The following ZNF608 variants were observed in gnomAD, a reference collection of about 807,000 sequenced individuals.
The protein encoded by ZNF608 is zinc finger protein 608.
Under a neutral mutation model 109.0 loss-of-function variants are expected in ZNF608, and 12 were observed. The ratio of observed to expected loss-of-function variants is 0.11; its 90% CI spans 0.07 to 0.18. The LOEUF is 0.18. ZNF608 is among the 10% of genes least tolerant of loss of function. ZNF608 has a pLI of 1.00. For missense variants in ZNF608, 1,707 were observed against 1,879.3 expected, an observed-to-expected ratio of 0.91 and a Z score of 1.70; for synonymous variants, 732 against 717.4, an observed-to-expected ratio of 1.02 and a Z score of -0.33.
intron 2 of ZNF608, among the ~76,000 whole-genome samples, chr5:124,703,509 T>C (rs1264887796): frequency 6.6e-6 from 1 of 152,118 alleles, no homozygotes; most frequent in Non-Finnish European, 1.5e-5. Flanking sequence ...CTCACACTTG[T>C]AATCCCAACA....
At chr5:124,692,956 A>C (rs2149839069) in intron 3 of ZNF608, among the ~76,000 whole-genome samples, 1 of 152,316 alleles carries the variant, frequency 6.6e-6, no homozygotes, top group East Asian at 1.9e-4. Context: ...AAAAACAACA[A>C]AGAATCAAGG....
rs746610497 is a variant in ZNF608 at position 124,693,974 on chromosome 5, C to CTTTTTTTTTTTTTTTTTTTTTTTTTTTTT, written c.1162+7039_1162+7040insAAAAAAAAAAAAAAAAAAAAAAAAAAAAA. Among the ~76,000 whole-genome samples the CTTTTTTTTTTTTTTTTTTTTTTTTTTTTT allele has an allele frequency of 2.5e-4, 15 of 60,968 alleles. 6 individuals are homozygous for CTTTTTTTTTTTTTTTTTTTTTTTTTTTTT. Among genetic ancestry groups the CTTTTTTTTTTTTTTTTTTTTTTTTTTTTT allele is most frequent in the South Asian group, 1.6e-3 (2 of 1,218 alleles). 40.0% of individuals were successfully genotyped at this position (60,968 alleles called of 152,430 possible). ...GTGAAGCTGGTAACATTTCATTAAT[C>CTTTTTTTTTTTTTTTTTTTTTTTTTTTTT]TTTTTTTTTTTTTTTTTTTGAGAGA... On this transcript the variant is annotated intron_variant, in intron 3 of 9. Transcript: ENST00000513986.
intron 2 of ZNF608, among the ~76,000 whole-genome samples, chr5:124,721,962 A>AAAAAAAAAAAAAAAAAAAC (rs1561583772): frequency 6.9e-6 from 1 of 145,838 alleles, no homozygotes; most frequent in Non-Finnish European, 1.5e-5. Context: ...AAAAAAAAAA[A>AAAAAAAAAAAAAAAAAAAC]AAAAAAAAAA....
rs77911068 is a variant in ZNF608, at chr5:124,662,524, C to T, written c.1163-12827G>A. 4.0e-4 allele frequency among the ~76,000 whole-genome samples: 61 copies of T among 152,362 alleles called. No individual in the cohort carries two copies. The East Asian group carries it at 0.012, about 29-fold the overall frequency. On this transcript the variant is annotated intron_variant, in intron 3 of 9. Transcript: ENST00000513986. ...TGTGCATTAGGCCCAAGTCAACCTC[C>T]AAGACTCCTATTGTTCGCATTATTC...
intron 6 of ZNF608, 135 bp downstream of exon 6, chr5:124,644,109 T>C: frequency 1.2e-6 from 1 of 804,834 alleles, no homozygotes; most frequent in South Asian, 2.4e-5. Flanking sequence ...AGTTTTATCT[T>C]TGGGACTTTA....
intron 3 of ZNF608, among the ~76,000 whole-genome samples, chr5:124,697,871 T>A (rs534485405): frequency 2.0e-5 from 3 of 152,294 alleles, no homozygotes; most frequent in Admixed American, 2.0e-4. Context: ...ACTCTTAAAA[T>A]TCTAGGATCT....
In ZNF608 at chr5:124,739,135, A is replaced by G. The variant is rs553911918; in HGVS notation, c.906+4949T>C. ...GATCCTCCCCGCAGCTTCACCATTA[A>G]CATGTCTGTTTCCTGTCAGGCCACT... On this transcript the variant is annotated intron_variant, in intron 2 of 9. Transcript: ENST00000513986. Among the ~76,000 whole-genome samples the G allele has an allele frequency of 3.3e-5, 5 of 152,246 alleles. No homozygotes were observed. The South Asian group carries it at 1.0e-3, about 32-fold the overall frequency.
chr5:124,706,019 G>A (rs1580664911), intron 2 of ZNF608, among the ~76,000 whole-genome samples: 1 of 152,182 alleles, frequency 6.6e-6, no homozygotes, highest in African/African-American at 2.4e-5. Context: ...ACTGTGTAGT[G>A]GGCAAGACTG....
chr5:124,647,141 G>A lies in ZNF608; in HGVS notation c.3243C>T (p.Gly1081=). Residue 1081 remains glycine (G), a synonymous_variant, in exon 5 of 10, where the codon GGC becomes GGT. Transcript: ENST00000513986. ...HPALAQSLYY[G]QYAYGLYMDQ... is the part of the protein sequence containing the mutation. Reference sequence around the variant, plus strand: ...CCATATAGAGCCCATATGCATACTGGCCATAATAAAGTGACTGAGCCAGGG... The same window carrying A: ...CCATATAGAGCCCATATGCATACTGACCATAATAAAGTGACTGAGCCAGGG... The A allele has an allele frequency of 1.2e-6, 2 of 1,614,154 alleles. No individual in the cohort carries two copies. The highest frequency in any genetic ancestry group is 1.7e-6 in the Non-Finnish European group (2 of 1,180,044).
chr5:124,697,885 AAC>A (rs775901177), intron 3 of ZNF608, among the ~76,000 whole-genome samples: 46 of 152,204 alleles, frequency 3.0e-4, no homozygotes, highest in African/African-American at 6.0e-4. Context: ...AGGATCTTAA[AAC>A]ACACACACAT....
Position 124,744,868 on chromosome 5 carries a change from A to G in ZNF608, c.122T>C (p.Leu41Ser). ...CTCAAATTTCTGTCTGTCCTTCTCC[A>G]AATCAGCGTCCAAATCAATTATTAA... is the stretch of plus-strand genomic sequence containing the variant. Reference protein sequence around the residue: ...GNLIIDLDADLEKDRQKFEMN... With the variant: ...GNLIIDLDADSEKDRQKFEMN... The change falls in exon 2 of 10, where the codon TTG becomes TCG. Residue 41 changes from leucine (L) to serine (S), a missense_variant. Physicochemically the swap from Leu to Ser is moderately radical, Grantham distance 145. Transcript: ENST00000513986. This position sits in a 1 kb window ranked among gnomAD's most constrained non-coding sequence, Gnocchi z 4.5. 6.2e-7 allele frequency: 1 copy of G among 1,614,194 alleles called. No homozygotes were observed.
At chr5:124,734,775 T>C (rs1749069308) in intron 2 of ZNF608, 1 of 152,244 alleles carries the variant, frequency 6.6e-6, no homozygotes, top group Admixed American at 6.5e-5. Context: ...ACAAAAGTCT[T>C]TGTGTTTTGG....
At chr5:124,674,777 A>G (rs1751868919) in intron 3 of ZNF608, among the ~76,000 whole-genome samples, 1 of 151,964 alleles carries the variant, frequency 6.6e-6, no homozygotes, top group Admixed American at 6.6e-5. Flanking sequence ...CACCTGGCTA[A>G]TTTTTTTATT....
At chr5:124,726,604 C>T (rs1438211995) in intron 2 of ZNF608, among the ~76,000 whole-genome samples, 1 of 151,062 alleles carries the variant, frequency 6.6e-6, no homozygotes, top group Non-Finnish European at 1.5e-5. Flanking sequence ...TTTCCCTTGT[C>T]CTCTTCTTGC....
intron 9 of ZNF608, 57 bp from the exon 10 acceptor site, chr5:124,637,963 T>C (rs1580508424): frequency 6.2e-7 from 1 of 1,605,350 alleles, no homozygotes; most frequent in Non-Finnish European, 8.5e-7. Context: ...GTTTGTTTGT[T>C]TTTTGAGTCG....
At chr5:124,747,021 A>G (rs970745735), upstream of ZNF608, among the ~76,000 whole-genome samples, 31 of 151,672 alleles carry the variant, frequency 2.0e-4, no homozygotes, top group Non-Finnish European at 4.0e-4. Flanking sequence ...AACCTAAAGG[A>G]TGTGATGTTT....
chr5:124,709,379 C>G (rs1753401096), intron 2 of ZNF608, among the ~76,000 whole-genome samples: 1 of 152,058 alleles, frequency 6.6e-6, no homozygotes, highest in Non-Finnish European at 1.5e-5. Context: ...CTAGCCATGA[C>G]AGTTTTCAAA....
intron 2 of ZNF608, among the ~76,000 whole-genome samples, chr5:124,712,000 T>C (rs1218290461): frequency 2.0e-5 from 3 of 152,046 alleles, no homozygotes; most frequent in African/African-American, 4.8e-5. Flanking sequence ...CCATTACCAA[T>C]TAGCCGGGTG....
intron 2 of ZNF608, among the ~76,000 whole-genome samples, chr5:124,720,235 C>T (rs558765028): frequency 1.3e-5 from 2 of 152,152 alleles, no homozygotes; most frequent in African/African-American, 4.8e-5. Flanking sequence ...CGGGGTGTCT[C>T]AAAAAGGAAA....
Sources: allele counts gnomAD v4.1 joint callset (sites outside exome capture counted in the v4.1 genomes callset), GRCh38; gene constraint gnomAD v4.1.1; non-coding constraint Gnocchi (gnomAD v3.1); transcripts MANE v1.5; gene names NCBI Gene and HGNC (gene_info 2026-07-23, HGNC 2026-07-21).